The following INTS2 variants were observed in gnomAD, a reference collection of about 807,000 sequenced individuals.
INTS2 encodes KIAA1287.
A neutral mutation model predicts 139.6 loss-of-function variants in INTS2; 57 were observed. The ratio of observed to expected loss-of-function variants is 0.41; its 90% CI spans 0.33 to 0.51. The LOEUF is 0.51. Among genes scored for constraint, INTS2 ranks in the 20% least tolerant of loss-of-function variants. The pLI, the probability that INTS2 is intolerant of heterozygous loss-of-function variation, is 0.28. For synonymous variants in INTS2, 473 were observed against 493.4 expected, an observed-to-expected ratio of 0.96 and a Z score of 0.55; for missense variants, 1,196 against 1,436.7, an observed-to-expected ratio of 0.83 and a Z score of 2.71.
At chr17:61,903,899 C>T (rs2079434054) in intron 9 of INTS2, among the ~76,000 whole-genome samples, 1 of 151,830 alleles carries the variant, frequency 6.6e-6, no homozygotes, top group Admixed American at 6.6e-5. Context: ...ATAAAAAATA[C>T]CTAAAAGCAA....
chr17:61,873,739 T>C lies in INTS2; in HGVS notation c.2582+1174A>G, dbSNP rs1036122592. On this transcript the variant is annotated intron_variant, in intron 19 of 24. Transcript: ENST00000251334. The surrounding 1 kb of genome is among the most constrained non-coding windows in gnomAD (Gnocchi z 4.0). ...TCACTTCGAGAATGTCATCCCTTGGTTGATGACAGACAAGTTTAAATATCA... is the reference window on the plus strand; with the variant it reads ...TCACTTCGAGAATGTCATCCCTTGGCTGATGACAGACAAGTTTAAATATCA... 7.9e-5 allele frequency among the ~76,000 whole-genome samples: 12 copies of C among 152,198 alleles called. 1 individual carries two copies. The highest frequency in any genetic ancestry group is 1.6e-4 in the Non-Finnish European group (11 of 68,026).
In INTS2 at chr17:61,891,548, G is replaced by T. The variant is rs2079293965; in HGVS notation, c.1840C>A (p.Gln614Lys). Residue 614 changes from glutamine to lysine, a missense_variant, in exon 14 of 25, where the codon CAG (glutamine) becomes AAG (lysine). Transcript: ENST00000251334. Reference protein sequence around the residue: ...PEATNQPVTEQEILNIFQGVI... With the variant: ...PEATNQPVTEKEILNIFQGVI... ...CCTTGGAAAATATTGAGTATCTCCTGTTCTGTGACTGGCTGATTTGTGGCT... is the reference window on the plus strand; with the variant it reads ...CCTTGGAAAATATTGAGTATCTCCTTTTCTGTGACTGGCTGATTTGTGGCT... 6.2e-7 allele frequency: 1 copy of T among 1,613,640 alleles called. No homozygotes were observed. Among genetic ancestry groups the T allele is most frequent in the African/African-American group, 1.3e-5 (1 of 74,902 alleles).
intron 15 of INTS2, among the ~76,000 whole-genome samples, chr17:61,886,840 A>G (rs1211592594): frequency 6.6e-6 from 1 of 152,234 alleles, no homozygotes; most frequent in Admixed American, 6.5e-5. Context: ...TATTAAGGAC[A>G]AGAAGTATGT....
At chr17:61,877,798 A>C in intron 18 of INTS2, 89 bp downstream of exon 18, 1 of 1,061,982 alleles carries the variant, frequency 9.4e-7, no homozygotes, top group South Asian at 1.5e-5. Context: ...ATGAGTGGTG[A>C]AAAATTTTTT....
At chr17:61,887,359 T>A (rs1475139801) in intron 15 of INTS2, among the ~76,000 whole-genome samples, 1 of 151,944 alleles carries the variant, frequency 6.6e-6, no homozygotes, top group Non-Finnish European at 1.5e-5. Context: ...AGTGGGCACC[T>A]GTAATCCCAG....
intron 2 of INTS2, among the ~76,000 whole-genome samples, chr17:61,925,715 A>C (rs1032960210): frequency 2.0e-5 from 3 of 151,874 alleles, no homozygotes; most frequent in African/African-American, 7.3e-5. Flanking sequence ...ATCTTTGGGA[A>C]TATCTAAGCT....
At chr17:61,880,881 T>C in intron 17 of INTS2, 126 bp downstream of exon 17, 1 of 761,894 alleles carries the variant, frequency 1.3e-6, no homozygotes, top group Non-Finnish European at 2.1e-6. Context: ...TTTATATACT[T>C]AAAATACATT....
At chr17:61,924,775 G>A (rs1315626046) in intron 3 of INTS2, among the ~76,000 whole-genome samples, 186 bp downstream of exon 3, 1 of 152,140 alleles carries the variant, frequency 6.6e-6, no homozygotes, top group South Asian at 2.1e-4. Flanking sequence ...ATTACAGTGA[G>A]CTGAGATCAC....
intron 8 of INTS2, 71 bp from the exon 9 acceptor site, chr17:61,904,656 T>G: frequency 7.7e-7 from 1 of 1,301,620 alleles, no homozygotes; most frequent in Non-Finnish European, 1.0e-6. Flanking sequence ...ATTTTTAACC[T>G]TTTAGTTACA....
chr17:61,902,963 G>A (rs1235364328), intron 9 of INTS2, among the ~76,000 whole-genome samples: 16 of 150,718 alleles, frequency 1.1e-4, no homozygotes, highest in South Asian at 2.1e-4. Context: ...TCAGGAGATC[G>A]AGACCATCGT....
In INTS2 at chr17:61,866,312, A is replaced by C. The variant is rs2079045524; in HGVS notation, c.*1245T>G. ...GCAGAAGTTGCAGTGAGCCAAGATC[A>C]TCCCACTGCACTCCAGCCTGGGCAA... On this transcript the variant is annotated 3_prime_UTR_variant, in exon 25 of 25. Transcript: ENST00000251334. 6.6e-6 allele frequency: 1 copy of C among 151,136 alleles called. No individual in the cohort carries two copies. The highest frequency in any genetic ancestry group is 1.5e-5 in the Non-Finnish European group (1 of 67,906). The allele number at this position is 151,136 out of a possible 1,614,324, so 9.4% of individuals were successfully genotyped here.
At chr17:61,899,695 G>C (rs1295870159) in intron 9 of INTS2, among the ~76,000 whole-genome samples, 6 of 152,032 alleles carry the variant, frequency 3.9e-5, no homozygotes, top group Admixed American at 1.3e-4. Flanking sequence ...AGGATAGCTT[G>C]AGCCCAGCAG....
At chr17:61,884,498 CA>C (rs1482520856) in intron 16 of INTS2, among the ~76,000 whole-genome samples, 9 of 151,756 alleles carry the variant, frequency 5.9e-5, no homozygotes, top group Non-Finnish European at 1.2e-4. Flanking sequence ...GTCTCAAAAA[CA>C]AAAACAAACA....
At position 61,897,693 on chromosome 17, in the gene INTS2, T is replaced by A; in HGVS notation, c.1354A>T (p.Ile452Leu). 1.2e-6 allele frequency: 2 copies of A among 1,608,242 alleles called. No homozygotes were observed. Among genetic ancestry groups the A allele is most frequent in the Non-Finnish European group, 1.7e-6 (2 of 1,177,096 alleles). The change falls in exon 10 of 25, where the codon ATA becomes TTA. Residue 452 changes from isoleucine to leucine, a missense_variant. By Grantham distance (5) the Ile-to-Leu change is conservative. Around this residue, in one of 3 missense-constraint regions of INTS2, gnomAD observed 1,129 missense variants for 1,341.9 expected, o/e 0.84. Coordinates refer to ENST00000251334, the MANE Select transcript of INTS2 (RefSeq NM_001351695.2). The surrounding 1 kb of genome is among the most constrained non-coding windows in gnomAD (Gnocchi z 4.4). Reference sequence around the variant, plus strand: ...CTCTCAAAATACGCTTCTTCTTTTATCATCCAACTTAGCCACACCACCATC... The same window carrying A: ...CTCTCAAAATACGCTTCTTCTTTTAACATCCAACTTAGCCACACCACCATC... ...QLMVVWLSWMIKEEAYFESTS... is the reference protein window; with the variant it reads ...QLMVVWLSWMLKEEAYFESTS...
In INTS2 at chr17:61,882,050, C is replaced by T. The variant is rs2079182911; in HGVS notation, c.2090-879G>A. The stretch of plus-strand genomic sequence containing the variant: ...TCTGTAGAGAACATGCCCTTTCCTC[C>T]AACCCTGTTGAGAATCATCACTATA... On this transcript the variant is annotated intron_variant, in intron 16 of 24. Transcript: ENST00000251334. The surrounding 1 kb of genome is among the most constrained non-coding windows in gnomAD (Gnocchi z 4.7). Among the ~76,000 whole-genome samples, 1 of 152,172 alleles carries T rather than the reference C, an allele frequency of 6.6e-6. No individual in the cohort carries two copies. The highest frequency in any genetic ancestry group is 1.9e-4 in the East Asian group (1 of 5,196).
chr17:61,905,955 C>G (rs141755557), intron 8 of INTS2, among the ~76,000 whole-genome samples: 1 of 152,178 alleles, frequency 6.6e-6, no homozygotes, highest in Non-Finnish European at 1.5e-5. Flanking sequence ...CCTTGGCCCC[C>G]CAAAGTGCTG....
In INTS2 at chr17:61,867,953, AG is replaced by A; in HGVS notation, c.3300del (p.Ser1101LeufsTer17). ...AFFMPTLPSLVSFCRAFPPLY... is the reference protein window; with the variant it reads ...AFFMPTLPSLXSFCRAFPPLY... ...AATGGAGGAAATGCTCGACAAAAAG[AG>A]ACCAAACTTGGCAGAGTTGGCATAA... On this transcript the variant is annotated frameshift_variant, in exon 24 of 25. Transcript: ENST00000251334. LOFTEE classifies it high-confidence loss of function. The surrounding 1 kb of genome is among the most constrained non-coding windows in gnomAD (Gnocchi z 5.6). The A allele has an allele frequency of 6.2e-7, 1 of 1,612,034 alleles. No individual in the cohort carries two copies. The highest frequency in any genetic ancestry group is 8.5e-7 in the Non-Finnish European group (1 of 1,179,326).
intron 2 of INTS2, among the ~76,000 whole-genome samples, chr17:61,925,543 C>T (rs1322326445): frequency 6.6e-6 from 1 of 151,976 alleles, no homozygotes; most frequent in African/African-American, 2.4e-5. Flanking sequence ...CGCCACCGCA[C>T]TCCAGCCTGG....
intron 4 of INTS2, 127 bp from the exon 5 acceptor site, chr17:61,919,640 C>T (rs2079619029): frequency 2.2e-5 from 13 of 589,814 alleles, no homozygotes; most frequent in Middle Eastern, 3.2e-4. Flanking sequence ...CAAACTTTGG[C>T]CTCAAGTGAT....
Sources: allele counts gnomAD v4.1 joint callset (sites outside exome capture counted in the v4.1 genomes callset), GRCh38; gene constraint gnomAD v4.1.1; regional missense constraint gnomAD v4.1.1; non-coding constraint Gnocchi (gnomAD v3.1); transcripts MANE v1.5; gene names NCBI Gene and HGNC (gene_info 2026-07-23, HGNC 2026-07-21).